Variants in CELF4 observed in about 807,000 individuals in gnomAD.
The protein encoded by CELF4 is CUGBP Elav-like family member 4.
In CELF4, 18 loss-of-function variants were observed where a neutral mutation model predicts 59.9. The ratio of observed to expected loss-of-function variants is 0.30; its 90% CI spans 0.21 to 0.45. The LOEUF (loss-of-function observed/expected upper bound fraction) is 0.45. Among genes scored for constraint, CELF4 ranks in the 20% least tolerant of loss-of-function variants. The probability of loss-of-function intolerance (pLI) is 1.00; values close to 1 mark genes in which losing one functional copy is unlikely to be tolerated. For synonymous variants in CELF4, 261 were observed against 267.1 expected (o/e 0.98, Z 0.22); for missense variants, 456 against 689.0 (o/e 0.66, Z 3.79).
chr18:37,501,092 A>G (rs1329639035), intron 1 of CELF4, among the ~76,000 whole-genome samples: 1 of 152,178 alleles, frequency 6.6e-6, no homozygotes, highest in Non-Finnish European at 1.5e-5. Flanking sequence ...CTGGGACTGG[A>G]GTGAGAGAAG....
At position 37,328,044 on chromosome 18, in the gene CELF4, GGA is replaced by G. The variant is rs1029903621; in HGVS notation, c.370-6165_370-6164del. On this transcript the variant is annotated intron_variant, in intron 2 of 12. Coordinates refer to ENST00000420428, the MANE Select transcript of CELF4 (RefSeq NM_020180.4). ...GTGACAGAGAGAAAGAGAGAGGGAG[GGA>G]GAGAGAGAAAAGAAGATGGAGATGG... Among the ~76,000 whole-genome samples, 4 of 152,142 alleles carry G rather than the reference GGA, an allele frequency of 2.6e-5. No individual in the cohort carries two copies. In the East Asian group the frequency reaches 7.7e-4, roughly 29 times the overall value.
At chr18:37,504,111 C>G (rs1318479929) in intron 1 of CELF4, among the ~76,000 whole-genome samples, 1 of 152,150 alleles carries the variant, frequency 6.6e-6, no homozygotes, top group African/African-American at 2.4e-5. Flanking sequence ...TCTTTGGATG[C>G]CTGTGGCCTT....
Position 37,442,412 on chromosome 18 carries a change from AT to A in CELF4, c.369+43112del, listed in dbSNP as rs1334956948. The stretch of plus-strand genomic sequence containing the variant: ...TTAAAAACTAGATCTCAGAAAAAAA[AT>A]TTTTTTCCCTTTGAAGCAGAAATGG... On this transcript the variant is annotated intron_variant, in intron 2 of 12. Transcript: ENST00000420428. 3.3e-5 allele frequency among the ~76,000 whole-genome samples: 5 copies of A among 152,238 alleles called. No homozygotes were observed. In the East Asian group the frequency reaches 7.7e-4, roughly 24 times the overall value.
chr18:37,385,900 A>C (rs1309746961), intron 2 of CELF4, among the ~76,000 whole-genome samples: 1 of 152,242 alleles, frequency 6.6e-6, no homozygotes, highest in Non-Finnish European at 1.5e-5. Context: ...AGTCTGTGAA[A>C]TGACAAGGCT....
At chr18:37,327,528 G>T (rs530244191) in intron 2 of CELF4, among the ~76,000 whole-genome samples, 1 of 152,354 alleles carries the variant, frequency 6.6e-6, no homozygotes, top group African/African-American at 2.4e-5. Flanking sequence ...GGAGGGGAAT[G>T]TCTTCACCTG....
In CELF4 at chr18:37,270,867, A is replaced by G. The variant is rs751100448; in HGVS notation, c.1000T>C (p.Ser334Pro). 8 of 1,613,316 alleles carry G rather than the reference A, an allele frequency of 5.0e-6. 1 individual carries two copies. In the South Asian group the frequency reaches 8.8e-5, roughly 18 times the overall value. The change falls in exon 8 of 13, where the codon TCC (serine) becomes CCC (proline). Residue 334 changes from serine to proline, a missense_variant. By Grantham distance (74) the Ser-to-Pro change is moderately conservative. This residue lies in a region of CELF4 where 256 missense variants were observed against 340.8 expected (regional missense o/e 0.75). Transcript: ENST00000420428. ...ITAPAVPSIP[S>P]PIGVNGFTGL... ...GTGAAGCCATTCACCCCAATGGGGG[A>G]TGGGATGCTAGGCACGGCTGGTGCA...
At chr18:37,397,782 C>T (rs1452565194) in intron 2 of CELF4, among the ~76,000 whole-genome samples, 1 of 152,216 alleles carries the variant, frequency 6.6e-6, no homozygotes, top group Non-Finnish European at 1.5e-5. Flanking sequence ...AGTCCAGTCT[C>T]AGCTGGGGTA....
chr18:37,513,149 GC>G (rs2099946468), intron 1 of CELF4, among the ~76,000 whole-genome samples: 1 of 152,204 alleles, frequency 6.6e-6, no homozygotes, highest in Admixed American at 6.5e-5. Context: ...CATGTGTGGT[GC>G]TGCTGCGGGA....
At chr18:37,286,937 A>G (rs561270004) in intron 3 of CELF4, among the ~76,000 whole-genome samples, 1 of 152,252 alleles carries the variant, frequency 6.6e-6, no homozygotes, top group East Asian at 1.9e-4. Context: ...GGAGCCCAGA[A>G]GAACGTTGTC....
intron 2 of CELF4, among the ~76,000 whole-genome samples, chr18:37,379,440 G>A (rs2099010348): frequency 1.5e-5 from 2 of 132,868 alleles, no homozygotes; most frequent in Non-Finnish European, 3.1e-5. Flanking sequence ...GGAGTTTACT[G>A]CAGTGTCTTT....
At chr18:37,314,571 T>C (rs1326969385) in intron 3 of CELF4, among the ~76,000 whole-genome samples, 1 of 152,156 alleles carries the variant, frequency 6.6e-6, no homozygotes, top group Non-Finnish European at 1.5e-5. Flanking sequence ...TCTGCAGGAC[T>C]TGGGGAGGGT....
At chr18:37,455,451 G>A (rs577576839) in intron 2 of CELF4, among the ~76,000 whole-genome samples, 78 of 152,298 alleles carry the variant, frequency 5.1e-4, no homozygotes, top group African/African-American at 1.4e-3. Context: ...GTACCCTTGT[G>A]GGATAGCACA....
intron 3 of CELF4, among the ~76,000 whole-genome samples, chr18:37,299,273 G>A (rs1047620097): frequency 6.6e-6 from 1 of 152,214 alleles, no homozygotes; most frequent in African/African-American, 2.4e-5. Context: ...CAAGACATTT[G>A]TGTCTCTTAA....
At chr18:37,291,350 T>G (rs1245460793) in intron 3 of CELF4, among the ~76,000 whole-genome samples, 1 of 152,220 alleles carries the variant, frequency 6.6e-6, no homozygotes, top group Non-Finnish European at 1.5e-5. Context: ...ATAGTGACTG[T>G]AACCCATGTA....
At chr18:37,380,816 C>CATCCATCCATCCATCT (rs2099030581) in intron 2 of CELF4, among the ~76,000 whole-genome samples, 1 of 151,130 alleles carries the variant, frequency 6.6e-6, no homozygotes, top group African/African-American at 2.4e-5. Context: ...TCCATCCATC[C>CATCCATCCATCCATCT]ATCCATCATC....
At chr18:37,455,100 C>G (rs1434409133) in intron 2 of CELF4, among the ~76,000 whole-genome samples, 1 of 152,244 alleles carries the variant, frequency 6.6e-6, no homozygotes, top group Non-Finnish European at 1.5e-5. Flanking sequence ...CCTCTCCACT[C>G]AAAACCTCTG....
intron 3 of CELF4, among the ~76,000 whole-genome samples, chr18:37,298,231 G>A (rs1291533687): frequency 1.3e-5 from 2 of 152,160 alleles, no homozygotes; most frequent in African/African-American, 4.8e-5. Context: ...TGCAGATGCT[G>A]GTTCTTCCAA....
intron 3 of CELF4, among the ~76,000 whole-genome samples, chr18:37,321,574 A>G (rs1038137024): frequency 6.6e-6 from 1 of 152,188 alleles, no homozygotes. Flanking sequence ...GTTTACTCAG[A>G]GACGCATAAA....
At chr18:37,264,866 G>T in intron 9 of CELF4, 109 bp from the exon 10 acceptor site, 1 of 870,694 alleles carries the variant, frequency 1.1e-6, no homozygotes, top group South Asian at 1.5e-5. Context: ...GCCAAAAAGC[G>T]CCCTGCCACT....
Sources: gnomAD v4.1 joint callset for allele counts (sites outside exome capture counted in the v4.1 genomes callset) on GRCh38, gnomAD v4.1.1 for gene constraint, gnomAD v4.1.1 regional missense constraint, MANE v1.5 for transcripts, NCBI Gene and HGNC (gene_info 2026-07-23, HGNC 2026-07-21) for gene names.